The following PDGFC variants were observed in gnomAD, a reference collection of about 807,000 sequenced individuals.
The protein encoded by PDGFC is platelet derived growth factor C.
Under a neutral mutation model 35.5 loss-of-function variants are expected in PDGFC, and 12 were observed. That is an observed-to-expected ratio of 0.34 (90% CI 0.22 to 0.55). PDGFC has a LOEUF of 0.55. Among genes scored for constraint, PDGFC ranks in the 20% least tolerant of loss-of-function variants. PDGFC has a pLI of 0.91. For synonymous variants in PDGFC, 159 were observed against 148.8 expected (o/e 1.07, Z -0.50); for missense variants, 322 against 412.4 (o/e 0.78, Z 1.90).
At chr4:156,951,661 T>C (rs1303348039) in intron 1 of PDGFC, among the ~76,000 whole-genome samples, 2 of 151,298 alleles carry the variant, frequency 1.3e-5, no homozygotes, top group Admixed American at 6.6e-5. Flanking sequence ...TTTGTGATAC[T>C]ATTCTGGACA....
intron 1 of PDGFC, among the ~76,000 whole-genome samples, chr4:156,939,189 G>A (rs1401420295): frequency 6.6e-6 from 1 of 151,920 alleles, no homozygotes; most frequent in Non-Finnish European, 1.5e-5. Context: ...TAGGCTTAAT[G>A]GTATGCCAAG....
intron 2 of PDGFC, among the ~76,000 whole-genome samples, chr4:156,840,500 G>A (rs967787498): frequency 2.0e-5 from 3 of 152,200 alleles, no homozygotes; most frequent in Non-Finnish European, 4.4e-5. Context: ...TGCAGGGGTG[G>A]AGCCCTCATG....
chr4:156,794,312 A>AT (rs1731381160), intron 3 of PDGFC, among the ~76,000 whole-genome samples: 1 of 152,124 alleles, frequency 6.6e-6, no homozygotes, highest in African/African-American at 2.4e-5. Context: ...AGAATGTGTG[A>AT]TTTTAACTAA....
At chr4:156,894,964 A>G (rs1274001591) in intron 1 of PDGFC, among the ~76,000 whole-genome samples, 1 of 152,170 alleles carries the variant, frequency 6.6e-6, no homozygotes, top group African/African-American at 2.4e-5. Flanking sequence ...AAATGAGTAT[A>G]TAATTAAATC....
At chr4:156,810,789 A>G (rs1339256163) in intron 3 of PDGFC, 48 bp downstream of exon 3, 3 of 1,202,410 alleles carry the variant, frequency 2.5e-6, no homozygotes, top group Admixed American at 5.2e-5. Flanking sequence ...ATAAAAAGAA[A>G]CAAAAAGCTG....
intron 2 of PDGFC, among the ~76,000 whole-genome samples, chr4:156,820,897 G>C (rs1296595116): frequency 6.6e-6 from 1 of 152,178 alleles, no homozygotes; most frequent in African/African-American, 2.4e-5. Context: ...ATTAAAGTTA[G>C]AACAAGGATA....
intron 2 of PDGFC, among the ~76,000 whole-genome samples, chr4:156,847,667 T>C (rs143622235): frequency 3.3e-5 from 5 of 152,064 alleles, no homozygotes; most frequent in African/African-American, 1.2e-4. Flanking sequence ...CCAAAGTATG[T>C]AGGATGCTAA....
intron 2 of PDGFC, among the ~76,000 whole-genome samples, chr4:156,839,069 C>T (rs1415283152): frequency 6.6e-6 from 1 of 152,170 alleles, no homozygotes; most frequent in Non-Finnish European, 1.5e-5. Flanking sequence ...AGCGACTGAG[C>T]TAAAGCTGTG....
At chr4:156,914,991 G>C (rs994870550) in intron 1 of PDGFC, among the ~76,000 whole-genome samples, 1 of 151,988 alleles carries the variant, frequency 6.6e-6, no homozygotes, top group African/African-American at 2.4e-5. Context: ...TAAAAAACAA[G>C]CAATTAAATT....
intron 3 of PDGFC, among the ~76,000 whole-genome samples, chr4:156,794,356 CA>C (rs941970058): frequency 3.3e-5 from 5 of 151,992 alleles, no homozygotes; most frequent in South Asian, 2.1e-4. Context: ...AATTTAAAAA[CA>C]AAAAAGTTTG....
intron 1 of PDGFC, among the ~76,000 whole-genome samples, chr4:156,905,194 A>C (rs1730884099): frequency 6.6e-6 from 1 of 152,106 alleles, no homozygotes; most frequent in South Asian, 2.1e-4. Flanking sequence ...ATAACCTTCA[A>C]GCTCTATTGA....
chr4:156,767,409 T>C (rs1730568352), intron 5 of PDGFC, among the ~76,000 whole-genome samples: 2 of 152,044 alleles, frequency 1.3e-5, no homozygotes, highest in African/African-American at 2.4e-5. Flanking sequence ...AAGTAGACAA[T>C]AATTTATCTC....
chr4:156,934,355 G>C (rs1731626424), intron 1 of PDGFC, among the ~76,000 whole-genome samples: 1 of 152,114 alleles, frequency 6.6e-6, no homozygotes, highest in Non-Finnish European at 1.5e-5. Context: ...AAAAGGTACA[G>C]CAAAAATACA....
chr4:156,909,698 G>A (rs1730994787), intron 1 of PDGFC, among the ~76,000 whole-genome samples: 1 of 152,130 alleles, frequency 6.6e-6, no homozygotes. Context: ...AATTATCACT[G>A]ATTTTCTTTT....
chr4:156,778,244 C>T, intron 3 of PDGFC: 1 of 357,804 alleles, frequency 2.8e-6, no homozygotes. Context: ...AGAGAGTTTT[C>T]TCTTGCCAAA....
chr4:156,869,222 A>C (rs1729918994), intron 1 of PDGFC, among the ~76,000 whole-genome samples: 2 of 152,092 alleles, frequency 1.3e-5, no homozygotes, highest in Non-Finnish European at 2.9e-5. Context: ...TCACAAGGTC[A>C]GGAGATCGAG....
intron 1 of PDGFC, among the ~76,000 whole-genome samples, chr4:156,867,758 G>C (rs1729880591): frequency 6.6e-6 from 1 of 152,098 alleles, no homozygotes; most frequent in South Asian, 2.1e-4. Context: ...ATTAAACAAA[G>C]CTCACAAAAC....
At chr4:156,828,075 T>C (rs557772105) in intron 2 of PDGFC, among the ~76,000 whole-genome samples, 1 of 152,332 alleles carries the variant, frequency 6.6e-6, no homozygotes, top group Admixed American at 6.5e-5. Context: ...TGTTATATAA[T>C]ATAATACCTC....
rs1172443759 is a variant in PDGFC, at chr4:156,801,132, C to G, written c.495+9705G>C. On this transcript the variant is annotated intron_variant, in intron 3 of 5. Transcript: ENST00000502773. ...TCCAGACGTTTGCATTTCTGATGACCAATAGCTCCACTCAGACTCTTAACA... is the reference window on the plus strand; with the variant it reads ...TCCAGACGTTTGCATTTCTGATGACGAATAGCTCCACTCAGACTCTTAACA... Among the ~76,000 whole-genome samples, 5 of 152,002 alleles carry G rather than the reference C, an allele frequency of 3.3e-5. No individual in the cohort carries two copies. The East Asian group carries it at 9.7e-4, about 29-fold the overall frequency.
Sources: allele counts gnomAD v4.1 joint callset (sites outside exome capture counted in the v4.1 genomes callset), GRCh38; gene constraint gnomAD v4.1.1; transcripts MANE v1.5; gene names NCBI Gene and HGNC (gene_info 2026-07-23, HGNC 2026-07-21).